The following FAM120AOS variants were observed in gnomAD, a reference collection of about 807,000 sequenced individuals.
FAM120AOS encodes uncharacterized protein FAM120AOS.
In FAM120AOS, 15 loss-of-function variants were observed where a neutral mutation model predicts 20.2. That is an observed-to-expected ratio of 0.74 (90% confidence interval 0.50 to 1.15). FAM120AOS has a LOEUF of 1.15. FAM120AOS is among the 50% of genes most tolerant of loss of function. The pLI is 0.00. For synonymous variants in FAM120AOS, 154 were observed against 154.0 expected, an observed-to-expected ratio of 1.00 and a Z score of 0.00; for missense variants, 327 against 351.9, an observed-to-expected ratio of 0.93 and a Z score of 0.57.
At chr9:93,450,960 A>G (rs1857132504) in intron 1 of FAM120AOS, 2 of 1,411,894 alleles carry the variant, frequency 1.4e-6, no homozygotes, top group African/African-American at 1.4e-5. Context: ...CTCTCAAGAC[A>G]GTCTCTTCCG....
In FAM120AOS at chr9:93,452,706, C is replaced by T; in HGVS notation, c.4G>A (p.Gly2Arg). The change falls in exon 1 of 3, where the codon GGA (glycine) becomes AGA (arginine). Residue 2 changes from glycine (G) to arginine (R), a missense_variant. By Grantham distance (125) the Gly-to-Arg change is moderately radical. Around this residue, in one of 3 missense-constraint regions of FAM120AOS, gnomAD observed 155 missense variants for 128.8 expected, o/e 1.20. Coordinates refer to ENST00000375412, the MANE Select transcript of FAM120AOS (RefSeq NM_198841.4). This position sits in a 1 kb window ranked among gnomAD's most constrained non-coding sequence, Gnocchi z 7.0. M[G>R]KTKDIGDDDT... ...TCATCCCCAATATCCTTAGTTTTTC[C>T]CATCCTATTTGAGGCGGGCAGGCTA... is the stretch of plus-strand genomic sequence containing the variant. The T allele has an allele frequency of 6.3e-7, 1 of 1,598,522 alleles. No individual in the cohort carries two copies. The highest frequency in any genetic ancestry group is 8.5e-7 in the Non-Finnish European group (1 of 1,179,862).
Position 93,452,445 on chromosome 9 carries a change from C to T in FAM120AOS, c.265G>A (p.Gly89Arg), listed in dbSNP as rs762088381. The T allele has an allele frequency of 1.3e-6, 2 of 1,558,804 alleles. No homozygotes were observed. Among genetic ancestry groups the T allele is most frequent in the Non-Finnish European group, 8.7e-7 (1 of 1,154,584 alleles). The change falls in exon 1 of 3, where the codon GGG becomes AGG. Residue 89 changes from glycine to arginine, a missense_variant. Around this residue, in one of 3 missense-constraint regions of FAM120AOS, gnomAD observed 155 missense variants for 128.8 expected, o/e 1.20. Transcript: ENST00000375412. This position sits in a 1 kb window ranked among gnomAD's most constrained non-coding sequence, Gnocchi z 7.0. ...CCGGGGCCGCGCCGCACCCCTATCC[C>T]CCTTCCCAGGGCGCAGAATGTCGCC... ...GRATFCALGR[G>R]IGVRRGPGPR...
Position 93,445,583 on chromosome 9 carries a change from G to GTTTTTTTTTT in FAM120AOS, c.*2018_*2027dup, listed in dbSNP as rs71364380. 8.7e-5 allele frequency among the ~76,000 whole-genome samples: 7 copies of GTTTTTTTTTT among 80,098 alleles called. No homozygotes were observed. The highest frequency in any genetic ancestry group is 1.1e-4 in the Non-Finnish European group (5 of 44,654). 52.5% of individuals were successfully genotyped at this position (80,098 alleles called of 152,430 possible). A position where few individuals can be genotyped will look rare whatever the true frequency, so the allele number is the denominator to read the frequency against. ...TTCTCCAACTTTCATAAAAATCGTTGTTTTTTTTTTTTTTTTTTTTTTTTG... is the reference window on the plus strand; with the variant it reads ...TTCTCCAACTTTCATAAAAATCGTTGTTTTTTTTTTTTTTTTTTTTTTTTTTTTTTTTTTG... On this transcript the variant is annotated 3_prime_UTR_variant, in exon 3 of 3. Transcript: ENST00000375412.
upstream of FAM120AOS, chr9:93,453,584 A>AGTTTATCATTTT: frequency 1.0e-6 from 1 of 985,388 alleles, no homozygotes; most frequent in South Asian, 4.7e-5. Flanking sequence ...TTAAGCCTAA[A>AGTTTATCATTTT]ATGATAGCGG....
Position 93,452,438 on chromosome 9 carries a change from C to G in FAM120AOS, c.272G>C (p.Gly91Ala), listed in dbSNP as rs544670498. Reference protein sequence around the residue: ...ATFCALGRGIGVRRGPGPRPA... With the variant: ...ATFCALGRGIAVRRGPGPRPA... ...CCGGGGACCGGGGCCGCGCCGCACC[C>G]CTATCCCCCTTCCCAGGGCGCAGAA... Residue 91 changes from glycine to alanine, a missense_variant, in exon 1 of 3, where the codon GGG becomes GCG. Physicochemically the swap from Gly to Ala is moderately conservative, Grantham distance 60. This residue lies in a region of FAM120AOS where 155 missense variants were observed against 128.8 expected (regional missense o/e 1.20). Coordinates refer to ENST00000375412, the MANE Select transcript of FAM120AOS (RefSeq NM_198841.4). The surrounding 1 kb of genome is among the most constrained non-coding windows in gnomAD (Gnocchi z 7.0). 36 of 1,563,120 alleles carry G rather than the reference C, an allele frequency of 2.3e-5. No individual in the cohort carries two copies. In the African/African-American group the frequency reaches 2.8e-4, roughly 12 times the overall value.
rs1856822540 is a variant in FAM120AOS, at chr9:93,445,595, T to TTTG, written c.*2015_*2016insCAA. ...CATAAAAATCGTTGTTTTTTTTTTT[T>TTTG]TTTTTTTTTTTTGAGACAAGGCCTC... On this transcript the variant is annotated 3_prime_UTR_variant, in exon 3 of 3. Coordinates refer to ENST00000375412, the MANE Select transcript of FAM120AOS (RefSeq NM_198841.4). Among the ~76,000 whole-genome samples, 1 of 144,308 alleles carries TTTG rather than the reference T, an allele frequency of 6.9e-6. No individual in the cohort carries two copies. The highest frequency in any genetic ancestry group is 2.6e-5 in the African/African-American group (1 of 38,566). The allele number at this position is 144,308 out of a possible 152,430, so 94.7% of individuals were successfully genotyped here.
Position 93,452,636 on chromosome 9 carries a change from G to A in FAM120AOS, c.74C>T (p.Pro25Leu), listed in dbSNP as rs1200440135. The A allele has an allele frequency of 6.3e-7, 1 of 1,599,230 alleles. No homozygotes were observed. The highest frequency in any genetic ancestry group is 2.2e-5 in the East Asian group (1 of 44,870). ...SEFWSGALSQ[P>L]SSVPTRPRTP... The stretch of plus-strand genomic sequence containing the variant: ...CCGCGGCCGCGTGGGGACACTTGAG[G>A]GCTGGGAGAGAGCCCCGGACCAGAA... The change falls in exon 1 of 3, where the codon CCC (proline) becomes CTC (leucine). Residue 25 changes from proline (P) to leucine (L), a missense_variant. Physicochemically the swap from Pro to Leu is moderately conservative, Grantham distance 98. This residue lies in a region of FAM120AOS where 155 missense variants were observed against 128.8 expected (regional missense o/e 1.20). Coordinates refer to ENST00000375412, the MANE Select transcript of FAM120AOS (RefSeq NM_198841.4). The surrounding 1 kb of genome is among the most constrained non-coding windows in gnomAD (Gnocchi z 7.0).
rs1857327870 is a variant in FAM120AOS at position 93,452,787 on chromosome 9, C to A, written c.-78G>T. 1.3e-6 allele frequency: 2 copies of A among 1,592,668 alleles called. No individual in the cohort carries two copies. Among genetic ancestry groups the A allele is most frequent in the African/African-American group, 1.3e-5 (1 of 74,546 alleles). The stretch of plus-strand genomic sequence containing the variant: ...CCTTTTCTAATTTAGCCTGTTCTTT[C>A]CCAGCAACAGGTTCATCTTGGAAGC... On this transcript the variant is annotated 5_prime_UTR_variant, in exon 1 of 3. Coordinates refer to ENST00000375412, the MANE Select transcript of FAM120AOS (RefSeq NM_198841.4). This position sits in a 1 kb window ranked among gnomAD's most constrained non-coding sequence, Gnocchi z 7.0.
At chr9:93,451,643 C>A (rs1857207924) in intron 1 of FAM120AOS, 1 of 981,410 alleles carries the variant, frequency 1.0e-6, no homozygotes, top group Non-Finnish European at 1.2e-6. Context: ...TACGTCAGCG[C>A]CGCCCGCCCG....
In FAM120AOS at chr9:93,453,336, G is replaced by T; in HGVS notation, c.-627C>A. 2 of 985,838 alleles carry T rather than the reference G, an allele frequency of 2.0e-6. No individual in the cohort carries two copies. Among genetic ancestry groups the T allele is most frequent in the Non-Finnish European group, 2.4e-6 (2 of 830,204 alleles). The allele number at this position is 985,838 out of a possible 1,614,324, so 61.1% of individuals were successfully genotyped here. Reference sequence around the variant, plus strand: ...GCACTGGGCCAGAGGAGAACTTCAGGACCCAGCAGTGACTGTGAAGATAAG... The same window carrying T: ...GCACTGGGCCAGAGGAGAACTTCAGTACCCAGCAGTGACTGTGAAGATAAG... On this transcript the variant is annotated 5_prime_UTR_variant, in exon 1 of 3. Transcript: ENST00000375412.
intron 2 of FAM120AOS, among the ~76,000 whole-genome samples, chr9:93,449,032 A>G (rs545698752): frequency 3.1e-4 from 47 of 151,506 alleles, no homozygotes; most frequent in African/African-American, 1.1e-3. Context: ...CATTTTGCCC[A>G]CCATCAATAG....
At chr9:93,449,816 A>T (rs1022767541) in intron 2 of FAM120AOS, among the ~76,000 whole-genome samples, 2 of 151,728 alleles carry the variant, frequency 1.3e-5, no homozygotes, top group Non-Finnish European at 2.9e-5. Flanking sequence ...ATTAAAAGCA[A>T]GAGTGTTTAA....
At position 93,447,299 on chromosome 9, in the gene FAM120AOS, C is replaced by T. The variant is rs1047368150; in HGVS notation, c.*312G>A. On this transcript the variant is annotated 3_prime_UTR_variant, in exon 3 of 3. Transcript: ENST00000375412. ...CCTTGAAGAAGGGTTATGTTTTCTTCATCTCCATATCCCCAGTAGCTGGCC... is the reference window on the plus strand; with the variant it reads ...CCTTGAAGAAGGGTTATGTTTTCTTTATCTCCATATCCCCAGTAGCTGGCC... The T allele has an allele frequency of 1.1e-5, 3 of 268,420 alleles. 1 individual carries two copies. The South Asian group carries it at 2.3e-4, about 21-fold the overall frequency. The allele number at this position is 268,420 out of a possible 1,614,324, so 16.6% of individuals were successfully genotyped here.
At chr9:93,451,620 C>T in intron 1 of FAM120AOS, 1 of 982,202 alleles carries the variant, frequency 1.0e-6, no homozygotes, top group Non-Finnish European at 1.2e-6. Flanking sequence ...GCGTCCGCGC[C>T]GGGCGGGTCC....
chr9:93,451,478 T>C (rs1360016553), intron 1 of FAM120AOS: 5 of 1,085,538 alleles, frequency 4.6e-6, no homozygotes, highest in African/African-American at 3.3e-5. Flanking sequence ...CGCTGCCTGC[T>C]CCGGCTCAGA....
Position 93,453,135 on chromosome 9 carries a change from T to A in FAM120AOS, c.-426A>T, listed in dbSNP as rs143002366. 6.3e-5 allele frequency: 63 copies of A among 1,004,158 alleles called. 2 individuals carry two copies. In the East Asian group the frequency reaches 4.7e-3, roughly 75 times the overall value. The allele number at this position is 1,004,158 out of a possible 1,614,324, so 62.2% of individuals were successfully genotyped here. A position where few individuals can be genotyped will look rare whatever the true frequency, so the allele number is the denominator to read the frequency against. ...AGGCAGTTCGGTTTTGTAGATCCCA[T>A]GCGAAAGGAGTCGCTCAAAATCAGG... On this transcript the variant is annotated 5_prime_UTR_variant, in exon 1 of 3. An upstream start codon of the reference 5' UTR is lost. Coordinates refer to ENST00000375412, the MANE Select transcript of FAM120AOS (RefSeq NM_198841.4).
At chr9:93,449,950 G>GC (rs142643485) in intron 2 of FAM120AOS, among the ~76,000 whole-genome samples, 3,620 of 152,198 alleles carry the variant, frequency 0.024, 72 homozygotes, top group Middle Eastern at 0.031. Context: ...TCTGGATTTT[G>GC]CTCGTTATTT....
At chr9:93,451,962 G>A (rs1403922798) in intron 1 of FAM120AOS, 185 bp downstream of exon 1, 1 of 1,537,398 alleles carries the variant, frequency 6.5e-7, no homozygotes, top group South Asian at 1.2e-5. Flanking sequence ...CACTGCCCGA[G>A]CGCCGTGGTG....
At chr9:93,451,901 G>T in intron 1 of FAM120AOS, 1 of 1,243,758 alleles carries the variant, frequency 8.0e-7, no homozygotes, top group Non-Finnish European at 1.0e-6. Context: ...CCGCGCCCGC[G>T]CCCCCGCCGC....
Sources: allele counts gnomAD v4.1 joint callset (sites outside exome capture counted in the v4.1 genomes callset), GRCh38; gene constraint gnomAD v4.1.1; regional missense constraint gnomAD v4.1.1; non-coding constraint Gnocchi (gnomAD v3.1); transcripts MANE v1.5; gene names NCBI Gene and HGNC (gene_info 2026-07-23, HGNC 2026-07-21).